Variants in XKRX observed in about 807,000 individuals in gnomAD.
The protein encoded by XKRX is XK related X-linked, also known as XK-related protein 2.
Under a neutral mutation model 22.4 loss-of-function variants are expected in XKRX, and 11 were observed. The ratio of observed to expected loss-of-function variants is 0.49; its 90% CI spans 0.31 to 0.81. The LOEUF is 0.81. XKRX is among the 40% of genes least tolerant of loss of function. The pLI, the probability that XKRX is intolerant of heterozygous loss-of-function variation, is 0.05. For synonymous variants in XKRX, 114 were observed against 132.2 expected, an observed-to-expected ratio of 0.86 and a Z score of 0.94; for missense variants, 320 against 336.5, an observed-to-expected ratio of 0.95 and a Z score of 0.38.
rs2085416162 is a variant in XKRX, at chrX:100,913,600, A to C, written c.*738T>G. The C allele has an allele frequency of 8.9e-6, 1 of 112,573 alleles. No individual in the cohort carries two copies. Among genetic ancestry groups the C allele is most frequent in the Admixed American group, 9.4e-5 (1 of 10,591 alleles). 9.3% of individuals were successfully genotyped at this position (112,573 alleles called of 1,213,427 possible). On this transcript the variant is annotated 3_prime_UTR_variant, in exon 3 of 3. Transcript: ENST00000372956. ...AATGAGGCACTAAGTGAGAGGCTTC[A>C]CTTAACAATTCCAATAGACAAGCTG... is the stretch of plus-strand genomic sequence containing the variant.
At chrX:100,897,950 T>A in the XKRX span, among the ~76,000 whole-genome samples, 1 of 110,927 alleles carries the variant, frequency 9.0e-6, no homozygotes, top group African/African-American at 3.3e-5. Context: ...ATAAAAATAA[T>A]GAAGGGACAT....
At chrX:100,907,391 G>A in the XKRX span, among the ~76,000 whole-genome samples, 8 of 110,351 alleles carry the variant, frequency 7.2e-5, no homozygotes, top group Admixed American at 5.8e-4. Flanking sequence ...GTAGAGTTGC[G>A]GTCTCACTCT....
chrX:100,956,066 T>C, the XKRX span, among the ~76,000 whole-genome samples: 1 of 111,600 alleles, frequency 9.0e-6, no homozygotes, highest in Non-Finnish European at 1.9e-5. Flanking sequence ...AGGACATGGA[T>C]GGAGTTGGAA....
At chrX:100,888,441 T>A in the XKRX span, 1 of 999,989 alleles carries the variant, frequency 1.0e-6, no homozygotes, top group South Asian at 1.9e-5. Flanking sequence ...GAGCGCTTGG[T>A]GTTTGGATCT....
Position 100,914,821 on chromosome X carries a change from C to G in XKRX, c.867G>C (p.Trp289Cys). 8.3e-7 allele frequency: 1 copy of G among 1,211,622 alleles called. No individual in the cohort carries two copies. ...IILFEPWIKF[W>C]RSGAQMPNNI... ...TATTGGGCATCTGGGCACCACTTCT[C>G]CAGAACTTAATCCAGGGCTCAAAGA... Residue 289 changes from tryptophan to cysteine, a missense_variant, in exon 3 of 3, where the codon TGG becomes TGC. Physicochemically the swap from Trp to Cys is radical, Grantham distance 215. Coordinates refer to ENST00000372956, the MANE Select transcript of XKRX (RefSeq NM_212559.3).
chrX:100,893,859 G>A, the XKRX span, among the ~76,000 whole-genome samples: 6 of 111,976 alleles, frequency 5.4e-5, no homozygotes, highest in East Asian at 2.8e-4. Flanking sequence ...TACCTACTGG[G>A]TACAATGTTC....
downstream of XKRX, among the ~76,000 whole-genome samples, chrX:100,912,305 G>T (rs1410685202): frequency 2.7e-5 from 3 of 111,369 alleles, no homozygotes; most frequent in African/African-American, 6.5e-5. Context: ...CATGAAAAAT[G>T]GAATGGGGGA....
chrX:100,921,794 G>T (rs560932383), intron 2 of XKRX, among the ~76,000 whole-genome samples: 6 of 105,808 alleles, frequency 5.7e-5, no homozygotes, highest in African/African-American at 2.1e-4. Flanking sequence ...ACTTGGTCCA[G>T]GCCTGACTCT....
rs993126157 is a variant in XKRX at position 100,914,185 on chromosome X, T to G, written c.*153A>C. On this transcript the variant is annotated 3_prime_UTR_variant, in exon 3 of 3. Transcript: ENST00000372956. ...TGGTAACTCTTAAGAAAATAAAACC[T>G]ATTTGGGAGTTGCTCTTTCTTCTGA... The G allele has an allele frequency of 3.2e-5, 20 of 633,027 alleles. 1 individual carries two copies. In the South Asian group the frequency reaches 5.6e-4, roughly 18 times the overall value. The allele number at this position is 633,027 out of a possible 1,213,427, so 52.2% of individuals were successfully genotyped here.
chrX:100,952,101 T>A, the XKRX span, among the ~76,000 whole-genome samples: 1 of 109,958 alleles, frequency 9.1e-6, no homozygotes, highest in East Asian at 2.8e-4. Flanking sequence ...TAATAATAAT[T>A]ATACCTCACA....
the XKRX span, among the ~76,000 whole-genome samples, chrX:100,905,440 T>C: frequency 6.2e-4 from 69 of 112,125 alleles, 1 homozygote; most frequent in Non-Finnish European, 1.1e-3. Flanking sequence ...TGTGAATCAT[T>C]TTCATACATA....
the XKRX span, among the ~76,000 whole-genome samples, chrX:100,954,749 T>C: frequency 1.8e-5 from 2 of 112,440 alleles, no homozygotes; most frequent in Non-Finnish European, 3.8e-5. Flanking sequence ...AATAAATTAC[T>C]GAAACATGCC....
chrX:100,923,080 A>G lies in XKRX; in HGVS notation c.336-19T>C, dbSNP rs994753153. On this transcript the variant is annotated intron_variant, in intron 1 of 2. Coordinates refer to ENST00000372956, the MANE Select transcript of XKRX (RefSeq NM_212559.3). ...CAAACATCTGCAGAAGTAAAGCATC[A>G]TGCAAACTTAACTAAGCTGTCCTGG... 1.7e-6 allele frequency: 2 copies of G among 1,207,238 alleles called. No individual in the cohort carries two copies. Among genetic ancestry groups the G allele is most frequent in the African/African-American group, 3.5e-5 (2 of 57,151 alleles).
At position 100,928,087 on chromosome X, in the gene XKRX, A is replaced by AT; in HGVS notation, c.217_218insA (p.Phe73TyrfsTer24). ...GACCATAATGGATGAAAACATAAAG[A>AT]AAGAAAAGGTGTATGTCATCCAGTA... is the stretch of plus-strand genomic sequence containing the variant. On this transcript the variant is annotated frameshift_variant, in exon 1 of 3. Coordinates refer to ENST00000372956, the MANE Select transcript of XKRX (RefSeq NM_212559.3). LOFTEE classifies it high-confidence loss of function. 8.3e-7 allele frequency: 1 copy of AT among 1,211,813 alleles called. No homozygotes were observed. The highest frequency in any genetic ancestry group is 1.1e-6 in the Non-Finnish European group (1 of 895,540).
chrX:100,923,385 C>A (rs1377897679), intron 1 of XKRX, among the ~76,000 whole-genome samples: 2 of 111,886 alleles, frequency 1.8e-5, no homozygotes, highest in African/African-American at 6.5e-5. Context: ...TGGGCTCAAG[C>A]AATCCTACTG....
chrX:100,926,614 G>A (rs901317331), intron 1 of XKRX, among the ~76,000 whole-genome samples: 6 of 111,354 alleles, frequency 5.4e-5, no homozygotes, highest in Non-Finnish European at 7.5e-5. Flanking sequence ...TGCCTCTCTT[G>A]CAATCAAGAC....
the XKRX span, chrX:100,956,944 G>A: frequency 1.6e-5 from 17 of 1,034,610 alleles, no homozygotes; most frequent in East Asian, 3.0e-5. Context: ...GAATTTAATC[G>A]TGGATGAGGA....
the XKRX span, among the ~76,000 whole-genome samples, chrX:100,953,087 G>A: frequency 1.8e-5 from 2 of 111,597 alleles, no homozygotes; most frequent in East Asian, 2.8e-4. Context: ...ATCACTTGAG[G>A]CCAGCTGGGC....
At chrX:100,901,087 G>C in the XKRX span, among the ~76,000 whole-genome samples, 1 of 111,351 alleles carries the variant, frequency 9.0e-6, no homozygotes, top group South Asian at 3.8e-4. Flanking sequence ...ACCGCACCTG[G>C]CCCACAATCT....
Sources: allele counts gnomAD v4.1 joint callset (sites outside exome capture counted in the v4.1 genomes callset), GRCh38; gene constraint gnomAD v4.1.1; transcripts MANE v1.5; gene names NCBI Gene and HGNC (gene_info 2026-07-23, HGNC 2026-07-21).